TENM3: variants seen among roughly 807,000 people sequenced by gnomAD.
The protein encoded by TENM3 is teneurin-3.
In TENM3, 63 loss-of-function variants were observed where a neutral mutation model predicts 255.1. That is an observed-to-expected ratio of 0.25 (90% CI 0.20 to 0.30). The LOEUF is 0.30. Among genes scored for constraint, TENM3 ranks in the 10% least tolerant of loss-of-function variants. The pLI, the probability that TENM3 is intolerant of heterozygous loss-of-function variation, is 1.00. For missense variants in TENM3, 2,929 were observed against 3,461.1 expected, an observed-to-expected ratio of 0.85 and a Z score of 3.86; for synonymous variants, 1,306 against 1,322.3, an observed-to-expected ratio of 0.99 and a Z score of 0.27.
the TENM3 span, among the ~76,000 whole-genome samples, chr4:181,662,959 T>TA: frequency 1.3e-5 from 2 of 152,156 alleles, no homozygotes; most frequent in Admixed American, 6.5e-5. Flanking sequence ...AAAACTGCCA[T>TA]AGTTTTTATA....
chr4:182,162,727 G>T (rs747672739), intron 1 of TENM3, among the ~76,000 whole-genome samples: 9 of 152,166 alleles, frequency 5.9e-5, no homozygotes, highest in Non-Finnish European at 1.2e-4. Flanking sequence ...CTCAAATACT[G>T]CATCCTCCAG....
the TENM3 span, among the ~76,000 whole-genome samples, chr4:181,496,875 G>A: frequency 6.6e-6 from 1 of 152,102 alleles, no homozygotes; most frequent in Non-Finnish European, 1.5e-5. Context: ...ATCAAAGGTT[G>A]GTCTAGCAAC....
the TENM3 span, among the ~76,000 whole-genome samples, chr4:181,485,133 A>T: frequency 6.6e-6 from 1 of 152,182 alleles, no homozygotes; most frequent in African/African-American, 2.4e-5. Context: ...TTAAAACATA[A>T]GTGTCAATCA....
intron 3 of TENM3, among the ~76,000 whole-genome samples, chr4:182,460,443 G>A (rs10012537): frequency 6.6e-6 from 1 of 151,880 alleles, no homozygotes; most frequent in Non-Finnish European, 1.5e-5. Flanking sequence ...GAAAACATTT[G>A]GGGTGGCAAG....
chr4:182,553,791 A>C (rs1742315250), intron 3 of TENM3, among the ~76,000 whole-genome samples: 2 of 152,188 alleles, frequency 1.3e-5, no homozygotes, highest in Admixed American at 1.3e-4. Flanking sequence ...GAAAATGGAG[A>C]GTTAGAGTCC....
intron 1 of TENM3, among the ~76,000 whole-genome samples, chr4:182,211,684 T>G (rs994639754): frequency 5.9e-5 from 9 of 152,230 alleles, no homozygotes; most frequent in African/African-American, 2.2e-4. Context: ...CTGATCGTTA[T>G]GCTGAAAACA....
chr4:182,102,757 G>C, the TENM3 span, among the ~76,000 whole-genome samples: 3 of 152,140 alleles, frequency 2.0e-5, no homozygotes, highest in African/African-American at 7.2e-5. Flanking sequence ...ACCTTGGCCC[G>C]TTTCCTAGCC....
Position 182,793,804 on chromosome 4 carries a change from G to C in TENM3, c.7132G>C (p.Asp2378His). ...AGAAATCTGGAAAAGAATTGGGAAGGACCCAGCTCCTTTTAACTTGTACAT... is the reference window on the plus strand; with the variant it reads ...AGAAATCTGGAAAAGAATTGGGAAGCACCCAGCTCCTTTTAACTTGTACAT... Reference protein sequence around the residue: ...DIEIWKRIGKDPAPFNLYMFR... With the variant: ...DIEIWKRIGKHPAPFNLYMFR... The change falls in exon 26 of 28, where the codon GAC (aspartate) becomes CAC (histidine). Residue 2378 changes from aspartate (D) to histidine (H), a missense_variant. Around this residue, in one of 6 missense-constraint regions of TENM3, gnomAD observed 476 missense variants for 480.1 expected, o/e 0.99. Coordinates refer to ENST00000511685, the MANE Select transcript of TENM3 (RefSeq NM_001080477.4). The surrounding 1 kb of genome is among the most constrained non-coding windows in gnomAD (Gnocchi z 5.7). 1 of 1,613,932 alleles carries C rather than the reference G, an allele frequency of 6.2e-7. No homozygotes were observed. Among genetic ancestry groups the C allele is most frequent in the Non-Finnish European group, 8.5e-7 (1 of 1,179,854 alleles).
At chr4:181,588,070 T>G in the TENM3 span, among the ~76,000 whole-genome samples, 4 of 152,118 alleles carry the variant, frequency 2.6e-5, no homozygotes, top group Non-Finnish European at 4.4e-5. Flanking sequence ...GAGCATCCAC[T>G]CAGGCAGGGG....
chr4:182,693,510 T>A (rs986027106), intron 12 of TENM3, among the ~76,000 whole-genome samples: 11 of 152,208 alleles, frequency 7.2e-5, no homozygotes, highest in East Asian at 1.9e-4. Flanking sequence ...CTAACTTTTT[T>A]AATTTTTTAG....
At chr4:182,639,652 T>C in intron 5 of TENM3, among the ~76,000 whole-genome samples, 1 of 152,188 alleles carries the variant, frequency 6.6e-6, no homozygotes, top group East Asian at 1.9e-4. Context: ...GAACATGAAC[T>C]GAAGAATAAA....
intron 22 of TENM3, among the ~76,000 whole-genome samples, chr4:182,768,955 G>A (rs1763949521): frequency 1.3e-5 from 2 of 152,118 alleles, no homozygotes; most frequent in African/African-American, 4.8e-5. Flanking sequence ...GAATGCAATG[G>A]GGGGCATGAA....
At chr4:181,557,060 C>G in the TENM3 span, among the ~76,000 whole-genome samples, 2 of 152,096 alleles carry the variant, frequency 1.3e-5, no homozygotes, top group African/African-American at 4.8e-5. Flanking sequence ...ACATTCTGGA[C>G]TTTTTTCCCA....
intron 9 of TENM3, 70 bp downstream of exon 9, chr4:182,680,419 T>A: frequency 3.1e-6 from 3 of 978,844 alleles, no homozygotes; most frequent in Non-Finnish European, 4.7e-6. Flanking sequence ...TTCCAAAAAC[T>A]ACCGAGACAG....
chr4:182,258,524 C>T (rs2150148417), intron 1 of TENM3, among the ~76,000 whole-genome samples: 1 of 144,986 alleles, frequency 6.9e-6, no homozygotes, highest in South Asian at 2.1e-4. Context: ...AAGCCATTTT[C>T]CCTCTCAAAA....
the TENM3 span, among the ~76,000 whole-genome samples, chr4:181,605,588 A>AGGAGAGAGAAAGAAAG: frequency 2.7e-5 from 1 of 37,552 alleles, no homozygotes; most frequent in African/African-American, 9.4e-5. Flanking sequence ...AAGAAAGGAA[A>AGGAGAGAGAAAGAAAG]GAAAGAAAGA....
At chr4:181,498,438 A>G in the TENM3 span, among the ~76,000 whole-genome samples, 3 of 151,228 alleles carry the variant, frequency 2.0e-5, no homozygotes, top group African/African-American at 4.8e-5. Context: ...TCAAGAAGGC[A>G]TTTACACACT....
the TENM3 span, among the ~76,000 whole-genome samples, chr4:181,957,422 C>T: frequency 1.3e-5 from 2 of 152,100 alleles, no homozygotes; most frequent in East Asian, 1.9e-4. Flanking sequence ...CCCAGTGAAA[C>T]GTGCAATCTA....
the TENM3 span, among the ~76,000 whole-genome samples, chr4:181,826,890 C>T: frequency 2.6e-5 from 4 of 152,138 alleles, no homozygotes; most frequent in Non-Finnish European, 5.9e-5. Flanking sequence ...TGTTGTTCGT[C>T]CCCACTGAAA....
Sources: gnomAD v4.1 joint callset for allele counts (sites outside exome capture counted in the v4.1 genomes callset) on GRCh38, gnomAD v4.1.1 for gene constraint, gnomAD v4.1.1 regional missense constraint, Gnocchi (gnomAD v3.1) non-coding constraint, MANE v1.5 for transcripts, NCBI Gene and HGNC (gene_info 2026-07-23, HGNC 2026-07-21) for gene names.